AMZ2: variants seen among roughly 807,000 people sequenced by gnomAD.
The protein encoded by AMZ2 is archaemetzincin-2.
In AMZ2, 26 loss-of-function variants were observed where a neutral mutation model predicts 36.7. The ratio of observed to expected loss-of-function variants is 0.71; its 90% CI spans 0.52 to 0.98. AMZ2 has a LOEUF of 0.98. Among genes scored for constraint, AMZ2 ranks in the 50% least tolerant of loss-of-function variants. The pLI is 0.00. For missense variants in AMZ2, 394 were observed against 430.5 expected (o/e 0.92, Z 0.75); for synonymous variants, 144 against 149.1 (o/e 0.97, Z 0.25).
intron 5 of AMZ2, among the ~76,000 whole-genome samples, chr17:68,255,344 G>A (rs1325954415): frequency 1.3e-5 from 2 of 152,112 alleles, no homozygotes; most frequent in African/African-American, 2.4e-5. Context: ...TATTAGCAAC[G>A]TCTGGAGACA....
chr17:68,224,597 G>A (rs567371370), intron 1 of AMZ2, among the ~76,000 whole-genome samples: 2 of 148,374 alleles, frequency 1.3e-5, no homozygotes, highest in Admixed American at 6.8e-5. Flanking sequence ...CCAGGCTGGT[G>A]TACACTGGTG....
chr17:68,214,814 C>T (rs1267224511), intron 1 of AMZ2, among the ~76,000 whole-genome samples: 2 of 150,726 alleles, frequency 1.3e-5, no homozygotes, highest in African/African-American at 4.9e-5. Context: ...CAGGGTCTCA[C>T]TTTGTCACCC....
intron 5 of AMZ2, 53 bp downstream of exon 5, chr17:68,254,620 C>CCGGGCGCGGTGGCTCA: frequency 6.9e-7 from 1 of 1,442,842 alleles, no homozygotes; most frequent in Non-Finnish European, 9.6e-7. Flanking sequence ...GATCTTAGTT[C>CCGGGCGCGGTGGCTCA]CGTAAACTGT....
chr17:68,242,902 G>T (rs2073931416), intron 1 of AMZ2, among the ~76,000 whole-genome samples: 1 of 151,964 alleles, frequency 6.6e-6, no homozygotes, highest in Admixed American at 6.6e-5. Context: ...ACATTAGCCA[G>T]GTGTGATGGT....
intron 1 of AMZ2, among the ~76,000 whole-genome samples, chr17:68,230,420 C>T (rs2073631119): frequency 2.0e-5 from 3 of 152,220 alleles, no homozygotes; most frequent in Admixed American, 6.5e-5. Context: ...CCCCTCCATG[C>T]GTGCCCCTTG....
Position 68,235,302 on chromosome 17 carries a change from G to A in AMZ2, c.-66-13338G>A, listed in dbSNP as rs1279919100. On this transcript the variant is annotated intron_variant, in intron 1 of 7. Transcript: ENST00000674770. This position sits in a 1 kb window ranked among gnomAD's most constrained non-coding sequence, Gnocchi z 4.2. ...CATGCCTGGTTATTGGGCACCTTCT[G>A]GTAATAAACAGTTGAAAGGAGCTGT... Among the ~76,000 whole-genome samples the A allele has an allele frequency of 6.6e-6, 1 of 152,192 alleles. No individual in the cohort carries two copies. Among genetic ancestry groups the A allele is most frequent in the Non-Finnish European group, 1.5e-5 (1 of 68,030 alleles).
chr17:68,246,353 G>A (rs2074011806), upstream of AMZ2, among the ~76,000 whole-genome samples: 1 of 152,096 alleles, frequency 6.6e-6, no homozygotes, highest in South Asian at 2.1e-4. Context: ...GGATGACAGA[G>A]CGAGACTTCG....
At chr17:68,252,626 C>T (rs1204142788) in intron 4 of AMZ2, among the ~76,000 whole-genome samples, 5 of 152,122 alleles carry the variant, frequency 3.3e-5, no homozygotes, top group Non-Finnish European at 4.4e-5. Context: ...GCCTCAGCCT[C>T]CCGAGTAGCT....
intron 4 of AMZ2, among the ~76,000 whole-genome samples, chr17:68,252,789 G>A (rs59781459): frequency 0.017 from 2,524 of 152,174 alleles, 63 homozygotes; most frequent in African/African-American, 0.058. Context: ...CTCCCAAAGT[G>A]CTTTGATTAC....
At chr17:68,208,708 C>A (rs2072921854) in intron 1 of AMZ2, among the ~76,000 whole-genome samples, 2 of 152,200 alleles carry the variant, frequency 1.3e-5, no homozygotes, top group African/African-American at 2.4e-5. Flanking sequence ...ACTGCCTTTA[C>A]GAGCTGTAAT....
At chr17:68,221,737 A>G (rs5821646) in intron 1 of AMZ2, among the ~76,000 whole-genome samples, 1 of 41,032 alleles carries the variant, frequency 2.4e-5, no homozygotes, top group Non-Finnish European at 4.7e-5. Context: ...TAAAAAAAAG[A>G]AAAAAAAAAA....
chr17:68,225,271 A>G (rs12943854), intron 1 of AMZ2, among the ~76,000 whole-genome samples: 53,759 of 151,790 alleles, frequency 0.35, 10,590 homozygotes, highest in African/African-American at 0.54. Flanking sequence ...GCAGTGATAG[A>G]GGAGCTAAAA....
chr17:68,222,329 C>T (rs1468128126), intron 1 of AMZ2, among the ~76,000 whole-genome samples: 2 of 152,190 alleles, frequency 1.3e-5, no homozygotes, highest in Non-Finnish European at 2.9e-5. Context: ...TAAATAAAAG[C>T]ACAGAATGTA....
At chr17:68,254,799 C>T (rs1405466347) in intron 5 of AMZ2, among the ~76,000 whole-genome samples, 1 of 152,206 alleles carries the variant, frequency 6.6e-6, no homozygotes, top group Admixed American at 6.5e-5. Context: ...ACAGCCTTGG[C>T]TGTACCCATG....
chr17:68,253,187 G>A (rs1253158782), intron 4 of AMZ2, among the ~76,000 whole-genome samples: 2 of 152,212 alleles, frequency 1.3e-5, no homozygotes, highest in Admixed American at 6.5e-5. Flanking sequence ...GGGGTTACTT[G>A]TGATAAAGGA....
chr17:68,220,426 G>T (rs1477090166), intron 1 of AMZ2, among the ~76,000 whole-genome samples: 1 of 151,794 alleles, frequency 6.6e-6, no homozygotes, highest in East Asian at 1.9e-4. Context: ...GTAAGCTCCC[G>T]GAAGTCAGAG....
At chr17:68,243,390 C>T (rs2073943137), upstream of AMZ2, among the ~76,000 whole-genome samples, 1 of 152,138 alleles carries the variant, frequency 6.6e-6, no homozygotes, top group South Asian at 2.1e-4. Flanking sequence ...CTGCCTTGGC[C>T]TCCCAAAGTG....
rs1568371063 is a variant in AMZ2 at position 68,248,077 on chromosome 17, G to A, written c.-629G>A. 21 of 986,112 alleles carry A rather than the reference G, an allele frequency of 2.1e-5. No individual in the cohort carries two copies. Among genetic ancestry groups the A allele is most frequent in the South Asian group, 4.7e-5 (1 of 21,364 alleles). The allele number at this position is 986,112 out of a possible 1,614,324, so 61.1% of individuals were successfully genotyped here. ...GGACGCGGTGCGCATGCGCGTGAGG[G>A]CTGCCGCGGGTGGGTGGTATCGAGG... On this transcript the variant is annotated 5_prime_UTR_variant, in exon 1 of 7. Transcript: ENST00000359904.
chr17:68,217,690 A>G (rs1391999649), intron 1 of AMZ2, among the ~76,000 whole-genome samples: 1 of 152,182 alleles, frequency 6.6e-6, no homozygotes, highest in Non-Finnish European at 1.5e-5. Flanking sequence ...TATAGTATGC[A>G]GAGGTTTTAA....
Sources: allele counts gnomAD v4.1 joint callset (sites outside exome capture counted in the v4.1 genomes callset), GRCh38; gene constraint gnomAD v4.1.1; non-coding constraint Gnocchi (gnomAD v3.1); transcripts MANE v1.5; gene names NCBI Gene and HGNC (gene_info 2026-07-23, HGNC 2026-07-21).